The following FAM78A variants were observed in gnomAD, a reference collection of about 807,000 sequenced individuals.
FAM78A encodes the protein family with sequence similarity 78 member A, also known as protein FAM78A.
FAM78A carries 12 observed loss-of-function variants against 22.6 expected under a neutral mutation model. That is an observed-to-expected ratio of 0.53 (90% CI 0.34 to 0.86). The LOEUF (loss-of-function observed/expected upper bound fraction) is 0.86, where lower values mean the gene tolerates loss of function less well. FAM78A is among the 40% of genes least tolerant of loss of function. The pLI is 0.02. For missense variants in FAM78A, 322 were observed against 396.1 expected, an observed-to-expected ratio of 0.81 and a Z score of 1.59; for synonymous variants, 151 against 155.8, an observed-to-expected ratio of 0.97 and a Z score of 0.23.
chr9:131,270,533 C>T, intron 1 of FAM78A: 1 of 715,086 alleles, frequency 1.4e-6, no homozygotes, highest in Non-Finnish European at 2.6e-6. Context: ...CAGGGCTGGT[C>T]CTGGGGGAGC....
rs761796520 is a variant in FAM78A, at chr9:131,261,154, C to T, written c.520G>A (p.Glu174Lys). ...TTGGTGAGCTTGGCCACGTTGCTCT[C>T]GCTGACGGGCACGGCCCATGTGACG... ...PSVTWAVPVS[E>K]SNVAKLTNIY... The change falls in exon 2 of 2, where the codon GAG becomes AAG. Residue 174 changes from glutamate (E) to lysine (K), a missense_variant. By Grantham distance (56) the Glu-to-Lys change is moderately conservative. Transcript: ENST00000372271. This position sits in a 1 kb window ranked among gnomAD's most constrained non-coding sequence, Gnocchi z 7.1. 6 of 1,614,030 alleles carry T rather than the reference C, an allele frequency of 3.7e-6. No individual in the cohort carries two copies. The highest frequency in any genetic ancestry group is 2.2e-5 in the East Asian group (1 of 44,866).
rs200214185 is a variant in FAM78A, at chr9:131,268,989, C to CAGG, written c.323+6867_323+6868insCCT. 5.7e-3 allele frequency among the ~76,000 whole-genome samples: 859 copies of CAGG among 150,560 alleles called. 17 individuals are homozygous for CAGG. The highest frequency in any genetic ancestry group is 0.02 in the African/African-American group (797 of 40,866). Reference sequence around the variant, plus strand: ...CAGAGGAAGGTGGATTGCTTGAGGTCAGTTCAAAACCAGCCTGACTAACAT... The same window carrying CAGG: ...CAGAGGAAGGTGGATTGCTTGAGGTCAGGAGTTCAAAACCAGCCTGACTAACAT... On this transcript the variant is annotated intron_variant, in intron 1 of 1. Transcript: ENST00000372271.
chr9:131,270,799 G>A (rs983366454), intron 1 of FAM78A, among the ~76,000 whole-genome samples: 3 of 152,282 alleles, frequency 2.0e-5, no homozygotes, highest in Admixed American at 6.5e-5. Context: ...TGCTGGCGCT[G>A]AGCAACACTG....
rs1369801995 is a variant in FAM78A, at chr9:131,275,228, T to C, written c.323+629A>G. Among the ~76,000 whole-genome samples the C allele has an allele frequency of 1.3e-5, 2 of 152,220 alleles. No individual in the cohort carries two copies. Among genetic ancestry groups the C allele is most frequent in the African/African-American group, 2.4e-5 (1 of 41,458 alleles). ...CCTCGCCAGAGGGACACTGGACTTG[T>C]CTGCATAAAGCGGTCTTCTGCCTTG... is the stretch of plus-strand genomic sequence containing the variant. On this transcript the variant is annotated intron_variant, in intron 1 of 1. Coordinates refer to ENST00000372271, the MANE Select transcript of FAM78A (RefSeq NM_033387.4). This position sits in a 1 kb window ranked among gnomAD's most constrained non-coding sequence, Gnocchi z 4.6.
Position 131,272,887 on chromosome 9 carries a change from G to A in FAM78A, c.323+2970C>T, listed in dbSNP as rs949166745. Among the ~76,000 whole-genome samples the A allele has an allele frequency of 1.3e-5, 2 of 151,960 alleles. No homozygotes were observed. Among genetic ancestry groups the A allele is most frequent in the African/African-American group, 4.8e-5 (2 of 41,346 alleles). On this transcript the variant is annotated intron_variant, in intron 1 of 1. Transcript: ENST00000372271. The surrounding 1 kb of genome is among the most constrained non-coding windows in gnomAD (Gnocchi z 4.1). ...CAGAGGTTGTAGTGAGCCAAGATTGGCACCATTGCACTCCAGCCTGGGCGA... is the reference window on the plus strand; with the variant it reads ...CAGAGGTTGTAGTGAGCCAAGATTGACACCATTGCACTCCAGCCTGGGCGA...
At chr9:131,262,944 T>C (rs1263245668) in intron 1 of FAM78A, among the ~76,000 whole-genome samples, 1 of 150,012 alleles carries the variant, frequency 6.7e-6, no homozygotes, top group Non-Finnish European at 1.5e-5. Context: ...GTTTTGCAGA[T>C]GAAAAGAGTT....
chr9:131,262,276 C>T (rs2131152537), intron 1 of FAM78A, among the ~76,000 whole-genome samples: 1 of 150,056 alleles, frequency 6.7e-6, no homozygotes, highest in South Asian at 2.1e-4. Flanking sequence ...ACGCCATGCA[C>T]TCCAGCCTGG....
chr9:131,273,299 T>A (rs957774512), intron 1 of FAM78A, among the ~76,000 whole-genome samples: 6 of 152,202 alleles, frequency 3.9e-5, no homozygotes, highest in African/African-American at 1.4e-4. Flanking sequence ...CCAAGACACG[T>A]GGACCCTTCT....
intron 1 of FAM78A, among the ~76,000 whole-genome samples, chr9:131,269,053 A>G (rs928203127): frequency 8.0e-5 from 12 of 150,156 alleles, no homozygotes; most frequent in African/African-American, 2.9e-4. Context: ...ATGAGCCGAG[A>G]TAGCACCACT....
chr9:131,258,405 A>C lies in FAM78A; in HGVS notation c.*2417T>G, dbSNP rs370775981. 6.7e-6 allele frequency: 1 copy of C among 149,236 alleles called. No individual in the cohort carries two copies. Among genetic ancestry groups the C allele is most frequent in the South Asian group, 2.1e-4 (1 of 4,654 alleles). 9.2% of individuals were successfully genotyped at this position (149,236 alleles called of 1,614,324 possible). A position where few individuals can be genotyped will look rare whatever the true frequency, so the allele number is the denominator to read the frequency against. ...CCGTGGCCGGACCTGCAGCCTCTCCAGGGTGTTCCTAGCCCTTCTTCGGTG... is the reference window on the plus strand; with the variant it reads ...CCGTGGCCGGACCTGCAGCCTCTCCCGGGTGTTCCTAGCCCTTCTTCGGTG... On this transcript the variant is annotated 3_prime_UTR_variant, in exon 2 of 2. Transcript: ENST00000372271.
At position 131,260,707 on chromosome 9, in the gene FAM78A, C is replaced by A; in HGVS notation, c.*115G>T. ...GGGGGCATCAGCACAGTGAGATCCG[C>A]CCGCTGGAGAGGGTAGAATGGTTGT... is the stretch of plus-strand genomic sequence containing the variant. On this transcript the variant is annotated 3_prime_UTR_variant, in exon 2 of 2. Transcript: ENST00000372271. The surrounding 1 kb of genome is among the most constrained non-coding windows in gnomAD (Gnocchi z 5.4). The A allele has an allele frequency of 7.4e-7, 1 of 1,348,382 alleles. No homozygotes were observed. The highest frequency in any genetic ancestry group is 1.5e-5 in the African/African-American group (1 of 68,596). The allele number at this position is 1,348,382 out of a possible 1,614,324, so 83.5% of individuals were successfully genotyped here.
Position 131,272,622 on chromosome 9 carries a change from G to A in FAM78A, c.323+3235C>T, listed in dbSNP as rs2131193285. Among the ~76,000 whole-genome samples, 1 of 152,318 alleles carries A rather than the reference G, an allele frequency of 6.6e-6. No individual in the cohort carries two copies. Among genetic ancestry groups the A allele is most frequent in the Non-Finnish European group, 1.5e-5 (1 of 68,032 alleles). Reference sequence around the variant, plus strand: ...AATGGAAGTCATCACAGGAGGCCTGGGGCAGGGGAGACAGGAAGGGGGTTT... The same window carrying A: ...AATGGAAGTCATCACAGGAGGCCTGAGGCAGGGGAGACAGGAAGGGGGTTT... On this transcript the variant is annotated intron_variant, in intron 1 of 1. Coordinates refer to ENST00000372271, the MANE Select transcript of FAM78A (RefSeq NM_033387.4). The surrounding 1 kb of genome is among the most constrained non-coding windows in gnomAD (Gnocchi z 4.1).
chr9:131,264,426 C>T (rs145695315), intron 1 of FAM78A: 14 of 592,038 alleles, frequency 2.4e-5, no homozygotes, highest in Non-Finnish European at 3.7e-5. Context: ...GGGGTTGCAG[C>T]GGGTGCAGCA....
At position 131,274,754 on chromosome 9, in the gene FAM78A, C is replaced by T. The variant is rs1835461664; in HGVS notation, c.323+1103G>A. 1.3e-5 allele frequency among the ~76,000 whole-genome samples: 2 copies of T among 152,180 alleles called. No individual in the cohort carries two copies. Among genetic ancestry groups the T allele is most frequent in the African/African-American group, 4.8e-5 (2 of 41,442 alleles). On this transcript the variant is annotated intron_variant, in intron 1 of 1. Coordinates refer to ENST00000372271, the MANE Select transcript of FAM78A (RefSeq NM_033387.4). The surrounding 1 kb of genome is among the most constrained non-coding windows in gnomAD (Gnocchi z 4.2). ...AGTTCCAGCTCCTGGGGAAATTCTC[C>T]TCTTTTCCCCACTTGCAAAACGGGG...
chr9:131,273,293 G>C (rs1405284823), intron 1 of FAM78A, among the ~76,000 whole-genome samples: 1 of 152,252 alleles, frequency 6.6e-6, no homozygotes, highest in Non-Finnish European at 1.5e-5. Context: ...TAGGAGCCAA[G>C]ACACGTGGAC....
At chr9:131,268,334 C>T (rs1307702197) in intron 1 of FAM78A, among the ~76,000 whole-genome samples, 1 of 152,124 alleles carries the variant, frequency 6.6e-6, no homozygotes, top group African/African-American at 2.4e-5. Flanking sequence ...GCACTGCCGC[C>T]CCCCTGGGCT....
At chr9:131,264,162 C>T (rs1835311490) in intron 1 of FAM78A, 1 of 171,886 alleles carries the variant, frequency 5.8e-6, no homozygotes, top group Non-Finnish European at 1.2e-5. Context: ...CCGCTTTGGC[C>T]TTGCCCCCTC....
chr9:131,278,154 C>T (rs1345634632), upstream of FAM78A, among the ~76,000 whole-genome samples: 7 of 151,938 alleles, frequency 4.6e-5, no homozygotes, highest in South Asian at 2.1e-4. Context: ...CCTCGCTCCC[C>T]CTCGCTCCCT....
chr9:131,278,194 T>C (rs1835509744), upstream of FAM78A, among the ~76,000 whole-genome samples: 1 of 151,482 alleles, frequency 6.6e-6, no homozygotes, highest in Non-Finnish European at 1.5e-5. Context: ...GAGCTGAGCC[T>C]CTCCTTGAAC....
Sources: allele counts gnomAD v4.1 joint callset (sites outside exome capture counted in the v4.1 genomes callset), GRCh38; gene constraint gnomAD v4.1.1; non-coding constraint Gnocchi (gnomAD v3.1); transcripts MANE v1.5; gene names NCBI Gene and HGNC (gene_info 2026-07-23, HGNC 2026-07-21).